Variants in ENTREP2 observed in about 807,000 individuals in gnomAD.
The protein encoded by ENTREP2 is endosomal transmembrane epsin interactor 2.
the ENTREP2 span, among the ~76,000 whole-genome samples, chr15:29,661,992 C>T: frequency 3.9e-5 from 6 of 152,070 alleles, no homozygotes; most frequent in Middle Eastern, 3.2e-3. Flanking sequence ...AGGCAGATCA[C>T]TTGAGGCCAG....
At chr15:29,398,518 G>A in the ENTREP2 span, among the ~76,000 whole-genome samples, 3 of 152,128 alleles carry the variant, frequency 2.0e-5, no homozygotes, top group East Asian at 1.9e-4. Flanking sequence ...GAGGTCAGGA[G>A]TCCTAGACCA....
the ENTREP2 span, among the ~76,000 whole-genome samples, chr15:29,406,282 T>A: frequency 6.6e-6 from 1 of 152,268 alleles, no homozygotes; most frequent in South Asian, 2.1e-4. Context: ...AAGATAAACA[T>A]AAGCCTGTAA....
chr15:29,196,304 C>A, the ENTREP2 span: 1 of 939,010 alleles, frequency 1.1e-6, no homozygotes, highest in Non-Finnish European at 1.5e-6. Context: ...AAAGATATTC[C>A]CTCTTGCACT....
chr15:29,280,693 G>C, the ENTREP2 span, among the ~76,000 whole-genome samples: 7 of 152,232 alleles, frequency 4.6e-5, no homozygotes. Flanking sequence ...GCCTGGTGAT[G>C]TCTCAGCTGG....
the ENTREP2 span, among the ~76,000 whole-genome samples, chr15:29,517,151 C>T: frequency 1.3e-5 from 2 of 151,994 alleles, no homozygotes; most frequent in East Asian, 1.9e-4. Flanking sequence ...CCACAGGAAG[C>T]GGGGGAGCAG....
chr15:29,248,274 G>GC, the ENTREP2 span, among the ~76,000 whole-genome samples: 1 of 152,096 alleles, frequency 6.6e-6, no homozygotes, highest in African/African-American at 2.4e-5. Flanking sequence ...GGAAGTTATT[G>GC]GGGTAGCATA....
the ENTREP2 span, among the ~76,000 whole-genome samples, chr15:29,631,682 C>G: frequency 6.6e-6 from 1 of 152,226 alleles, no homozygotes; most frequent in African/African-American, 2.4e-5. Context: ...TTTTCTCCAG[C>G]TTTTTCCTAT....
the ENTREP2 span, among the ~76,000 whole-genome samples, chr15:29,415,388 C>G: frequency 6.6e-6 from 1 of 152,136 alleles, no homozygotes; most frequent in Admixed American, 6.5e-5. Context: ...TAAACAGAAC[C>G]AAAGACAAAA....
chr15:29,197,756 A>G, the ENTREP2 span, among the ~76,000 whole-genome samples: 1 of 148,796 alleles, frequency 6.7e-6, no homozygotes, highest in Non-Finnish European at 1.5e-5. Context: ...ACAGAGCAAG[A>G]CTCCATCTCA....
chr15:29,456,643 C>T, the ENTREP2 span, among the ~76,000 whole-genome samples: 1 of 152,286 alleles, frequency 6.6e-6, no homozygotes, highest in South Asian at 2.1e-4. Flanking sequence ...GGAGACAGTG[C>T]CACCTACGAA....
At chr15:29,390,556 G>C in the ENTREP2 span, among the ~76,000 whole-genome samples, 10 of 152,138 alleles carry the variant, frequency 6.6e-5, no homozygotes, top group Non-Finnish European at 1.3e-4. Context: ...GCCTAATAGA[G>C]GCAAGAGATA....
chr15:29,242,654 T>C, the ENTREP2 span, among the ~76,000 whole-genome samples: 2 of 152,180 alleles, frequency 1.3e-5, no homozygotes, highest in Admixed American at 1.3e-4. Flanking sequence ...CCTCCAGGAA[T>C]GGTGCCAGGC....
the ENTREP2 span, among the ~76,000 whole-genome samples, chr15:29,466,538 C>T: frequency 6.7e-6 from 1 of 148,220 alleles, no homozygotes; most frequent in African/African-American, 2.5e-5. Flanking sequence ...GCTGCACCCC[C>T]AAGGGAGAGC....
chr15:29,269,948 T>C, the ENTREP2 span: 1 of 469,430 alleles, frequency 2.1e-6, no homozygotes. Flanking sequence ...CGATGATTTT[T>C]AGTATAGTGA....
chr15:29,506,271 CCTACG>C, the ENTREP2 span, among the ~76,000 whole-genome samples: 1 of 152,056 alleles, frequency 6.6e-6, no homozygotes, highest in Non-Finnish European at 1.5e-5. Flanking sequence ...AAAGACCAAA[CCTACG>C]ATTGATTGGT....
chr15:29,527,537 C>T, the ENTREP2 span, among the ~76,000 whole-genome samples: 2 of 152,118 alleles, frequency 1.3e-5, no homozygotes, highest in African/African-American at 4.8e-5. Context: ...AATTTAGTCT[C>T]GTGTGAAATG....
the ENTREP2 span, chr15:29,269,778 C>A: frequency 9.2e-5 from 125 of 1,351,810 alleles, no homozygotes; most frequent in African/African-American, 1.6e-3. Flanking sequence ...GTCGGCGACC[C>A]GCTAACGCCG....
the ENTREP2 span, among the ~76,000 whole-genome samples, chr15:29,252,753 C>G: frequency 4.6e-5 from 7 of 152,122 alleles, no homozygotes; most frequent in Non-Finnish European, 1.0e-4. Context: ...AGGAGTTAAA[C>G]TTGAAAGACT....
At chr15:29,404,880 C>T in the ENTREP2 span, among the ~76,000 whole-genome samples, 6 of 152,024 alleles carry the variant, frequency 3.9e-5, no homozygotes, top group Non-Finnish European at 8.8e-5. Context: ...AGATACCCCA[C>T]GTCCCTCCCC....
Sources: allele counts gnomAD v4.1 joint callset (sites outside exome capture counted in the v4.1 genomes callset), GRCh38; gene constraint gnomAD v4.1.1; transcripts MANE v1.5; gene names NCBI Gene and HGNC (gene_info 2026-07-23, HGNC 2026-07-21).